The following CASZ1 variants were observed in gnomAD, a reference collection of about 807,000 sequenced individuals.
CASZ1 encodes zinc finger protein castor homolog 1.
CASZ1 carries 28 observed loss-of-function variants against 135.2 expected under a neutral mutation model. The ratio of observed to expected loss-of-function variants is 0.21; its 90% CI spans 0.15 to 0.28. The LOEUF (loss-of-function observed/expected upper bound fraction) is 0.28, where lower values mean the gene tolerates loss of function less well. Ranked by LOEUF, CASZ1 falls within the 10% of genes least tolerant of loss-of-function variation. CASZ1 has a pLI of 1.00. For missense variants in CASZ1, 2,161 were observed against 2,453.3 expected, an observed-to-expected ratio of 0.88 and a Z score of 2.52; for synonymous variants, 1,068 against 1,073.4, an observed-to-expected ratio of 0.99 and a Z score of 0.10.
chr1:10,672,564 C>T (rs1643441431), intron 4 of CASZ1, among the ~76,000 whole-genome samples: 1 of 151,256 alleles, frequency 6.6e-6, no homozygotes, highest in Admixed American at 6.6e-5. Context: ...TCCACATTAT[C>T]AGTTGCCATG....
intron 4 of CASZ1, among the ~76,000 whole-genome samples, chr1:10,671,091 T>A (rs1643384040): frequency 2.0e-5 from 3 of 152,236 alleles, no homozygotes; most frequent in Non-Finnish European, 4.4e-5. Flanking sequence ...TTATTTATTA[T>A]GATTTTTTTA....
chr1:10,690,606 C>T (rs1416640207), intron 4 of CASZ1, among the ~76,000 whole-genome samples: 2 of 152,162 alleles, frequency 1.3e-5, no homozygotes, highest in African/African-American at 4.8e-5. Context: ...GCCGGGCTTC[C>T]TCCCATTGAC....
At chr1:10,641,665 G>A (rs1642205298) in intron 20 of CASZ1, among the ~76,000 whole-genome samples, 2 of 152,222 alleles carry the variant, frequency 1.3e-5, no homozygotes, top group South Asian at 4.1e-4. Context: ...CCTAGTGCCA[G>A]ATCCCAGGGG....
chr1:10,643,033 G>A, intron 19 of CASZ1, 33 bp from the exon 20 acceptor site: 1 of 1,606,568 alleles, frequency 6.2e-7, no homozygotes, highest in Non-Finnish European at 8.5e-7. Flanking sequence ...GAGGAAGTGG[G>A]GCTGTGGGGT....
At chr1:10,787,317 A>G (rs1570593156) in intron 1 of CASZ1, among the ~76,000 whole-genome samples, 1 of 152,318 alleles carries the variant, frequency 6.6e-6, no homozygotes, top group East Asian at 1.9e-4. Context: ...AGGGGAGTGG[A>G]CAGTTAGACC....
intron 2 of CASZ1, among the ~76,000 whole-genome samples, chr1:10,740,087 C>T (rs1007844132): frequency 2.6e-5 from 4 of 152,206 alleles, no homozygotes; most frequent in South Asian, 2.1e-4. Context: ...CCAGCCCAGG[C>T]GCCTGTTAGG....
chr1:10,687,094 C>T (rs7545505), intron 4 of CASZ1, among the ~76,000 whole-genome samples: 7,351 of 152,290 alleles, frequency 0.048, 230 homozygotes, highest in Middle Eastern at 0.11. Context: ...GCCTCTGGGA[C>T]GCCTCCTGCT....
At position 10,767,644 on chromosome 1, in the gene CASZ1, A is replaced by G. The variant is rs1640500664; in HGVS notation, c.-233-6787T>C. Among the ~76,000 whole-genome samples the G allele has an allele frequency of 6.6e-6, 1 of 151,986 alleles. No individual in the cohort carries two copies. Among genetic ancestry groups the G allele is most frequent in the South Asian group, 2.1e-4 (1 of 4,808 alleles). ...AAGTCATTCAGATATTTCCTCTCTC[A>G]CTTGCTTTTTAAAAAAAATTTAATG... On this transcript the variant is annotated intron_variant, in intron 1 of 20. Coordinates refer to ENST00000377022, the MANE Select transcript of CASZ1 (RefSeq NM_001079843.3). This position sits in a 1 kb window ranked among gnomAD's most constrained non-coding sequence, Gnocchi z 4.2.
At position 10,639,140 on chromosome 1, in the gene CASZ1, G is replaced by T; in HGVS notation, c.5082C>A (p.Asp1694Glu). The change falls in exon 21 of 21, where the codon GAC (aspartate) becomes GAA (glutamate). Residue 1694 changes from aspartate to glutamate, a missense_variant. Physicochemically the swap from Asp to Glu is conservative, Grantham distance 45. This residue lies in a region of CASZ1 where 185 missense variants were observed against 134.7 expected (regional missense o/e 1.37). Coordinates refer to ENST00000377022, the MANE Select transcript of CASZ1 (RefSeq NM_001079843.3). The surrounding 1 kb of genome is among the most constrained non-coding windows in gnomAD (Gnocchi z 4.0). ...LPEEEAEDDE[D>E]EDDDEDDDDE... ...CGTCGTCGTCCTCGTCGTCGTCCTC[G>T]TCCTCGTCGTCTTCGGCCTCCTCCT... 9.0e-7 allele frequency: 1 copy of T among 1,107,650 alleles called. No individual in the cohort carries two copies. Among genetic ancestry groups the T allele is most frequent in the Non-Finnish European group, 1.1e-6 (1 of 893,024 alleles). 68.6% of individuals were successfully genotyped at this position (1,107,650 alleles called of 1,614,324 possible).
chr1:10,778,297 A>G (rs929796518), intron 1 of CASZ1, among the ~76,000 whole-genome samples: 1 of 150,468 alleles, frequency 6.6e-6, no homozygotes, highest in African/African-American at 2.4e-5. Flanking sequence ...TCCACACAAA[A>G]TGTCACACAC....
intron 1 of CASZ1, among the ~76,000 whole-genome samples, chr1:10,790,454 C>T (rs1279373059): frequency 2.0e-5 from 3 of 152,216 alleles, no homozygotes; most frequent in African/African-American, 2.4e-5. Flanking sequence ...TGCCTCTCTT[C>T]GGTTCCCTCT....
At chr1:10,659,606 G>T in intron 6 of CASZ1, 96 bp downstream of exon 6, 1 of 925,294 alleles carries the variant, frequency 1.1e-6, no homozygotes, top group Non-Finnish European at 1.8e-6. Flanking sequence ...TGAGCGGCAG[G>T]TGTGTCCTCA....
In CASZ1 at chr1:10,653,509, C is replaced by T. The variant is rs779297501; in HGVS notation, c.2548G>A (p.Val850Met). The T allele has an allele frequency of 7.5e-6, 12 of 1,609,804 alleles. No homozygotes were observed. The highest frequency in any genetic ancestry group is 3.3e-4 in the Middle Eastern group (2 of 6,070). The change falls in exon 11 of 21, where the codon GTG (valine) becomes ATG (methionine). Residue 850 changes from valine (V) to methionine (M), a missense_variant. By Grantham distance (21) the Val-to-Met change is conservative. Coordinates refer to ENST00000377022, the MANE Select transcript of CASZ1 (RefSeq NM_001079843.3). ...VASGAGDSAPVAAASVPAPPA... is the reference protein window; with the variant it reads ...VASGAGDSAPMAAASVPAPPA... ...GGTGCCGGGACAGAGGCGGCAGCCA[C>T]GGGGGCTGAGTCTCCAGCTCCCGAG...
intron 2 of CASZ1, among the ~76,000 whole-genome samples, chr1:10,713,800 G>A (rs1639328926): frequency 1.3e-5 from 2 of 152,104 alleles, no homozygotes; most frequent in South Asian, 2.1e-4. Flanking sequence ...AGAGAGCCCT[G>A]CCGGGTTGGC....
In CASZ1 at chr1:10,777,031, G is replaced by A. The variant is rs1163011505; in HGVS notation, c.-233-16174C>T. On this transcript the variant is annotated intron_variant, in intron 1 of 20. Transcript: ENST00000377022. The surrounding 1 kb of genome is among the most constrained non-coding windows in gnomAD (Gnocchi z 4.4). ...CCCTGAGCCAGTGGGGAAGATGACC[G>A]TGTTTCCAAATGGCTCAAATACTGG... Among the ~76,000 whole-genome samples, 1 of 152,148 alleles carries A rather than the reference G, an allele frequency of 6.6e-6. No individual in the cohort carries two copies. Among genetic ancestry groups the A allele is most frequent in the Non-Finnish European group, 1.5e-5 (1 of 68,030 alleles).
chr1:10,684,178 TG>T (rs1638512398), intron 4 of CASZ1, among the ~76,000 whole-genome samples: 1 of 82,632 alleles, frequency 1.2e-5, no homozygotes, highest in African/African-American at 4.7e-5. Flanking sequence ...CTTACGGTGG[TG>T]GGGGAGTGAG....
intron 1 of CASZ1, among the ~76,000 whole-genome samples, chr1:10,770,981 C>T (rs141459302): frequency 3.3e-5 from 5 of 152,280 alleles, no homozygotes; most frequent in East Asian, 3.9e-4. Context: ...CCAGGAGGGG[C>T]GGTCATTGCC....
chr1:10,650,573 G>A lies in CASZ1; in HGVS notation c.2880+119C>T, dbSNP rs185216589. The A allele has an allele frequency of 3.6e-3, 2,941 of 827,786 alleles. 11 individuals are homozygous for A. Among genetic ancestry groups the A allele is most frequent in the Non-Finnish European group, 5.1e-3 (2,477 of 482,272 alleles). The allele number at this position is 827,786 out of a possible 1,614,324, so 51.3% of individuals were successfully genotyped here. A position where few individuals can be genotyped will look rare whatever the true frequency, so the allele number is the denominator to read the frequency against. ...GAAAAATGGCCTCAAAATTTAAATGGTACAAACTCATCTTATTAGAGGCAA... is the reference window on the plus strand; with the variant it reads ...GAAAAATGGCCTCAAAATTTAAATGATACAAACTCATCTTATTAGAGGCAA... On this transcript the variant is annotated intron_variant, in intron 13 of 20. Transcript: ENST00000377022.
chr1:10,733,062 G>A (rs544368350), intron 2 of CASZ1, among the ~76,000 whole-genome samples: 1 of 152,288 alleles, frequency 6.6e-6, no homozygotes, highest in South Asian at 2.1e-4. Flanking sequence ...GAGCAGAGAT[G>A]TGGAATTTTC....
Sources: allele counts gnomAD v4.1 joint callset (sites outside exome capture counted in the v4.1 genomes callset), GRCh38; gene constraint gnomAD v4.1.1; regional missense constraint gnomAD v4.1.1; non-coding constraint Gnocchi (gnomAD v3.1); transcripts MANE v1.5; gene names NCBI Gene and HGNC (gene_info 2026-07-23, HGNC 2026-07-21).